Variants in GRIK1 observed in about 807,000 individuals in gnomAD.
GRIK1 encodes the protein glutamate receptor ionotropic, kainate 1.
Under a neutral mutation model 105.7 loss-of-function variants are expected in GRIK1, and 69 were observed. The observed-to-expected ratio is 0.65, with a 90% CI of 0.54 to 0.80. GRIK1 has a LOEUF of 0.80. Among genes scored for constraint, GRIK1 ranks in the 30% least tolerant of loss-of-function variants. GRIK1 has a pLI of 0.00. For missense variants in GRIK1, 1,109 were observed against 1,167.3 expected (o/e 0.95, Z 0.73); for synonymous variants, 438 against 431.3 (o/e 1.02, Z -0.19).
rs371401872 is a variant in GRIK1, at chr21:29,596,561, C to G, written c.1216G>C (p.Glu406Gln). ...KEEGTEKAAGEVSKHLYKVWK... is the reference protein window; with the variant it reads ...KEEGTEKAAGQVSKHLYKVWK... ...ACTTTATACAAGTGTTTAGACACTT[C>G]GCCAGCAGCCTTGGTTTTCAGAGAG... The change falls in exon 9 of 18, where the codon GAA (glutamate) becomes CAA (glutamine). Residue 406 changes from glutamate (E) to glutamine (Q), a missense_variant. Transcript: ENST00000327783. 1 of 1,608,400 alleles carries G rather than the reference C, an allele frequency of 6.2e-7. No individual in the cohort carries two copies. The highest frequency in any genetic ancestry group is 1.3e-5 in the African/African-American group (1 of 74,904).
intron 1 of GRIK1, among the ~76,000 whole-genome samples, chr21:29,769,543 G>T (rs562096187): frequency 1.5e-4 from 23 of 152,208 alleles, no homozygotes; most frequent in Non-Finnish European, 2.9e-4. Flanking sequence ...CCCATGCGCA[G>T]TTCACAATAG....
At chr21:29,824,524 CAG>C (rs1273331927) in intron 1 of GRIK1, among the ~76,000 whole-genome samples, 1 of 151,842 alleles carries the variant, frequency 6.6e-6, no homozygotes, top group African/African-American at 2.4e-5. Context: ...GCTTTTTAGA[CAG>C]AATATTCAGA....
At chr21:29,783,993 C>T (rs1337335862) in intron 1 of GRIK1, among the ~76,000 whole-genome samples, 3 of 152,110 alleles carry the variant, frequency 2.0e-5, no homozygotes, top group African/African-American at 7.2e-5. Flanking sequence ...TGCTCAGTGG[C>T]GTGACCTTGG....
At chr21:29,638,121 A>C (rs374582418) in intron 7 of GRIK1, among the ~76,000 whole-genome samples, 64 of 152,084 alleles carry the variant, frequency 4.2e-4, no homozygotes, top group Admixed American at 1.0e-3. Flanking sequence ...GTGTTGCCTT[A>C]TTTTTCCTGA....
chr21:29,543,632 T>C (rs938273002), intron 16 of GRIK1, among the ~76,000 whole-genome samples: 2 of 152,188 alleles, frequency 1.3e-5, no homozygotes, highest in African/African-American at 4.8e-5. Flanking sequence ...AGGTTGAGTG[T>C]TGATCACCAT....
chr21:29,790,734 T>G (rs950268533), intron 1 of GRIK1, among the ~76,000 whole-genome samples: 6 of 152,234 alleles, frequency 3.9e-5, no homozygotes, highest in Non-Finnish European at 7.3e-5. Flanking sequence ...ATTACAGGGA[T>G]GAGGCACCAT....
intron 1 of GRIK1, among the ~76,000 whole-genome samples, chr21:29,757,674 A>G (rs1009359283): frequency 6.6e-6 from 1 of 152,192 alleles, no homozygotes; most frequent in African/African-American, 2.4e-5. Context: ...CAGATAATCA[A>G]TTTTTCCCCC....
At chr21:29,713,268 A>G (rs2064100918) in intron 1 of GRIK1, among the ~76,000 whole-genome samples, 1 of 152,286 alleles carries the variant, frequency 6.6e-6, no homozygotes, top group African/African-American at 2.4e-5. Context: ...GTCCAGCCAC[A>G]TCCTTGTCCT....
chr21:29,758,058 T>C (rs2065396601), intron 1 of GRIK1, among the ~76,000 whole-genome samples: 2 of 152,218 alleles, frequency 1.3e-5, no homozygotes, highest in Admixed American at 1.3e-4. Flanking sequence ...GGTAGCATGT[T>C]CCATGTTAGA....
At chr21:29,734,096 A>G (rs1601557124) in intron 1 of GRIK1, among the ~76,000 whole-genome samples, 1 of 152,168 alleles carries the variant, frequency 6.6e-6, no homozygotes, top group East Asian at 1.9e-4. Context: ...TTGTGAGCCA[A>G]TACAAACTTG....
In GRIK1 at chr21:29,931,515, C is replaced by A. The variant is rs568799159; in HGVS notation, c.118+7868G>T. ...CACTGCTGATGCTAACCTGGATCCC[C>A]TGGCTCTTCTGCTGAGCAGATTTGC... On this transcript the variant is annotated intron_variant, in intron 1 of 17. Transcript: ENST00000327783. Among the ~76,000 whole-genome samples the A allele has an allele frequency of 1.4e-4, 22 of 152,302 alleles. No individual in the cohort carries two copies. In the East Asian group the frequency reaches 4.0e-3, roughly 28 times the overall value.
At chr21:29,683,572 T>C (rs1223310363) in intron 3 of GRIK1, among the ~76,000 whole-genome samples, 2 of 152,010 alleles carry the variant, frequency 1.3e-5, no homozygotes, top group East Asian at 1.9e-4. Flanking sequence ...AAGCTAAACA[T>C]TGGGTACACG....
chr21:29,541,929 A>T (rs1021861914), intron 16 of GRIK1, among the ~76,000 whole-genome samples: 9 of 152,198 alleles, frequency 5.9e-5, no homozygotes, highest in Non-Finnish European at 1.0e-4. Context: ...ATGAACCTTT[A>T]TAATAATGTC....
At chr21:29,652,805 A>G (rs902886001) in intron 5 of GRIK1, among the ~76,000 whole-genome samples, 1 of 152,248 alleles carries the variant, frequency 6.6e-6, no homozygotes, top group Non-Finnish European at 1.5e-5. Context: ...AAGACAGGAC[A>G]TTATCCTGAT....
In GRIK1 at chr21:29,852,215, A is replaced by G. The variant is rs62210261; in HGVS notation, c.118+87168T>C. The stretch of plus-strand genomic sequence containing the variant: ...CTTCTACCTTGATGCTTGACATTCA[A>G]ATTATTTAGGAATCTGACCCTACTT... On this transcript the variant is annotated intron_variant, in intron 1 of 17. Transcript: ENST00000327783. 8.5e-3 allele frequency among the ~76,000 whole-genome samples: 1,292 copies of G among 152,208 alleles called. 5 individuals carry two copies. Among genetic ancestry groups the G allele is most frequent in the Non-Finnish European group, 0.013 (880 of 68,014 alleles).
At chr21:29,888,507 C>G (rs1476052236) in intron 1 of GRIK1, among the ~76,000 whole-genome samples, 1 of 151,696 alleles carries the variant, frequency 6.6e-6, no homozygotes, top group Non-Finnish European at 1.5e-5. Context: ...CTCAAGAAAT[C>G]CACCCATCTC....
At chr21:29,835,066 C>T (rs779406531) in intron 1 of GRIK1, among the ~76,000 whole-genome samples, 2 of 152,138 alleles carry the variant, frequency 1.3e-5, no homozygotes, top group East Asian at 1.9e-4. Context: ...GCAATCCACA[C>T]ATGCTAATGT....
intron 9 of GRIK1, among the ~76,000 whole-genome samples, chr21:29,592,618 A>T (rs979426747): frequency 6.6e-6 from 1 of 152,144 alleles, no homozygotes; most frequent in Non-Finnish European, 1.5e-5. Flanking sequence ...GAGATTCTAA[A>T]CTTTCTGAGC....
chr21:29,687,753 T>C (rs2063511702), intron 3 of GRIK1, among the ~76,000 whole-genome samples: 1 of 152,238 alleles, frequency 6.6e-6, no homozygotes, highest in African/African-American at 2.4e-5. Context: ...GGTTAGAATA[T>C]CAAGTTTTCT....
Sources: gnomAD v4.1 joint callset for allele counts (sites outside exome capture counted in the v4.1 genomes callset) on GRCh38, gnomAD v4.1.1 for gene constraint, MANE v1.5 for transcripts, NCBI Gene and HGNC (gene_info 2026-07-23, HGNC 2026-07-21) for gene names.